CLASRP: variants seen among roughly 807,000 people sequenced by gnomAD.
CLASRP encodes the protein CLK4 associating serine/arginine rich protein.
Under a neutral mutation model 99.9 loss-of-function variants are expected in CLASRP, and 52 were observed. That is an observed-to-expected ratio of 0.52 (90% CI 0.42 to 0.66). The LOEUF (loss-of-function observed/expected upper bound fraction) is 0.66, where lower values mean the gene tolerates loss of function less well. CLASRP is among the 30% of genes least tolerant of loss of function. The probability of loss-of-function intolerance (pLI) is 0.00; values close to 1 mark genes in which losing one functional copy is unlikely to be tolerated. For missense variants in CLASRP, 848 were observed against 999.2 expected (o/e 0.85, Z 2.04); for synonymous variants, 379 against 373.0 (o/e 1.02, Z -0.18).
intron 6 of CLASRP, 23 bp from the exon 7 acceptor site, chr19:45,057,727 G>A: frequency 1.2e-6 from 2 of 1,613,508 alleles, no homozygotes; most frequent in South Asian, 2.2e-5. Flanking sequence ...CACGGCCCTG[G>A]CTTACCAGCT....
At chr19:45,043,717 C>T (rs1457746522) in intron 2 of CLASRP, among the ~76,000 whole-genome samples, 3 of 152,124 alleles carry the variant, frequency 2.0e-5, no homozygotes, top group Admixed American at 6.6e-5. Flanking sequence ...GCTCTGAGAG[C>T]TCCTTGCTTA....
intron 5 of CLASRP, among the ~76,000 whole-genome samples, chr19:45,054,255 T>G (rs1024840846): frequency 4.0e-5 from 6 of 150,886 alleles, no homozygotes; most frequent in African/African-American, 1.2e-4. Flanking sequence ...TTTTGGGGTT[T>G]TTTGTTTTTT....
chr19:45,050,243 TCTC>T (rs1272973566), intron 2 of CLASRP, among the ~76,000 whole-genome samples: 5 of 151,352 alleles, frequency 3.3e-5, no homozygotes, highest in Admixed American at 2.0e-4. Flanking sequence ...TGTCAGCAAA[TCTC>T]CTGGAGGCAG....
intron 11 of CLASRP, among the ~76,000 whole-genome samples, chr19:45,063,040 A>G (rs1346256552): frequency 6.6e-6 from 1 of 152,148 alleles, no homozygotes; most frequent in Non-Finnish European, 1.5e-5. Context: ...TCGAGGTTAG[A>G]TGAGATAAGG....
At chr19:45,042,864 G>A (rs567580606) in intron 2 of CLASRP, among the ~76,000 whole-genome samples, 85 of 152,184 alleles carry the variant, frequency 5.6e-4, no homozygotes, top group East Asian at 3.9e-4. Context: ...TGATTTGCTT[G>A]CCTCGGCCTC....
At chr19:45,056,557 G>A (rs748775656) in intron 6 of CLASRP, 23 bp downstream of exon 6, 8 of 1,604,084 alleles carry the variant, frequency 5.0e-6, no homozygotes, top group Non-Finnish European at 6.0e-6. Flanking sequence ...CTGGGGTGCA[G>A]GGGGTTGAGG....
At chr19:45,047,036 A>ATTTGGATCTTG (rs1215507230) in intron 2 of CLASRP, among the ~76,000 whole-genome samples, 1 of 152,130 alleles carries the variant, frequency 6.6e-6, no homozygotes, top group Non-Finnish European at 1.5e-5. Flanking sequence ...TCCAAAAAAA[A>ATTTGGATCTTG]AAGTGGATTT....
chr19:45,056,334 C>T, intron 5 of CLASRP, 116 bp from the exon 6 acceptor site: 1 of 816,434 alleles, frequency 1.2e-6, no homozygotes. Context: ...GGTGACTGCC[C>T]CCCAAGGTGC....
chr19:45,054,197 TATCATTAC>T (rs1972079079), intron 5 of CLASRP, among the ~76,000 whole-genome samples: 1 of 152,190 alleles, frequency 6.6e-6, no homozygotes, highest in African/African-American at 2.4e-5. Flanking sequence ...TTGTCTGTAT[TATCATTAC>T]ATCTGCACAA....
intron 4 of CLASRP, 84 bp downstream of exon 4, chr19:45,052,976 T>C: frequency 1.3e-6 from 2 of 1,519,026 alleles, no homozygotes; most frequent in Admixed American, 1.8e-5. Flanking sequence ...GTCACCTTCC[T>C]AGGAGCCGTT....
In CLASRP at chr19:45,053,929, A is replaced by AT. The variant is rs542661808; in HGVS notation, c.379+758dup. ...AAACACTATGCCCAGCCAGGAACAG[A>AT]TTTTTTACCTCTGTGTATTTTACTC... On this transcript the variant is annotated intron_variant, in intron 5 of 20. Coordinates refer to ENST00000221455, the MANE Select transcript of CLASRP (RefSeq NM_007056.3). Among the ~76,000 whole-genome samples the AT allele has an allele frequency of 1.4e-3, 214 of 152,214 alleles. 2 individuals are homozygous for AT. Among genetic ancestry groups the AT allele is most frequent in the African/African-American group, 4.8e-3 (200 of 41,536 alleles).
At chr19:45,053,622 GT>G (rs1288492481) in intron 5 of CLASRP, among the ~76,000 whole-genome samples, 2 of 151,992 alleles carry the variant, frequency 1.3e-5, no homozygotes, top group Non-Finnish European at 2.9e-5. Flanking sequence ...GGGATTACAG[GT>G]GCCCGCCACC....
Position 45,053,268 on chromosome 19 carries a change from A to G in CLASRP, c.379+91A>G, listed in dbSNP as rs553645358. 216 of 1,315,306 alleles carry G rather than the reference A, an allele frequency of 1.6e-4. 1 individual carries two copies. The East Asian group carries it at 4.7e-3, about 29-fold the overall frequency. The allele number at this position is 1,315,306 out of a possible 1,614,324, so 81.5% of individuals were successfully genotyped here. On this transcript the variant is annotated intron_variant, in intron 5 of 20. Transcript: ENST00000221455. ...GTTTGGGAAGAAAAGTTTTATCCAC[A>G]TACTTTCTACTAAAGGGCCTTGGGT... is the stretch of plus-strand genomic sequence containing the variant.
chr19:45,056,085 G>A (rs567145930), intron 5 of CLASRP, among the ~76,000 whole-genome samples: 22 of 152,144 alleles, frequency 1.4e-4, no homozygotes, highest in Non-Finnish European at 2.8e-4. Flanking sequence ...TCAGAATGGC[G>A]TGTGGCACTC....
At chr19:45,069,405 T>C (rs1460566236) in intron 18 of CLASRP, among the ~76,000 whole-genome samples, 157 bp downstream of exon 18, 2 of 152,186 alleles carry the variant, frequency 1.3e-5, no homozygotes, top group African/African-American at 4.8e-5. Context: ...GCTGCCTCTC[T>C]TGCTCCTCTC....
At chr19:45,039,173 C>A (rs1459829649) in intron 1 of CLASRP, 65 bp downstream of exon 1, 1 of 152,412 alleles carries the variant, frequency 6.6e-6, no homozygotes, top group African/African-American at 2.4e-5. Flanking sequence ...TTCTCCCTTT[C>A]CTCAGGCTCT....
intron 1 of CLASRP, among the ~76,000 whole-genome samples, chr19:45,039,356 CAA>C (rs1297475418): frequency 7.5e-6 from 1 of 132,826 alleles, no homozygotes; most frequent in Non-Finnish European, 1.6e-5. Flanking sequence ...GCCCCCTTGT[CAA>C]AAAAAAAAAC....
chr19:45,041,631 C>T (rs1202956333), intron 2 of CLASRP, among the ~76,000 whole-genome samples: 1 of 152,234 alleles, frequency 6.6e-6, no homozygotes, highest in Non-Finnish European at 1.5e-5. Flanking sequence ...GTCTGTCCTT[C>T]CTAGAAGAGT....
intron 2 of CLASRP, among the ~76,000 whole-genome samples, chr19:45,051,146 G>T (rs942793155): frequency 2.0e-5 from 3 of 152,052 alleles, no homozygotes; most frequent in Non-Finnish European, 2.9e-5. Flanking sequence ...TGCGGATGCA[G>T]TCTGGTCCAG....
Sources: gnomAD v4.1 joint callset for allele counts (sites outside exome capture counted in the v4.1 genomes callset) on GRCh38, gnomAD v4.1.1 for gene constraint, MANE v1.5 for transcripts, NCBI Gene and HGNC (gene_info 2026-07-23, HGNC 2026-07-21) for gene names.